The following ZFAND3 variants were observed in gnomAD, a reference collection of about 807,000 sequenced individuals.
The protein encoded by ZFAND3 is AN1-type zinc finger protein 3.
ZFAND3 carries 10 observed loss-of-function variants against 29.6 expected under a neutral mutation model. The ratio of observed to expected loss-of-function variants is 0.34; its 90% confidence interval spans 0.21 to 0.57. ZFAND3 has a LOEUF of 0.57. Among genes scored for constraint, ZFAND3 ranks in the 20% least tolerant of loss-of-function variants. The probability of loss-of-function intolerance (pLI) is 0.86; values close to 1 mark genes in which losing one functional copy is unlikely to be tolerated. For missense variants in ZFAND3, 230 were observed against 304.5 expected (o/e 0.76, Z 1.82); for synonymous variants, 128 against 112.6 (o/e 1.14, Z -0.87).
chr6:38,002,748 G>A (rs1017848937), intron 2 of ZFAND3: 1 of 152,144 alleles, frequency 6.6e-6, no homozygotes, highest in Non-Finnish European at 1.5e-5. Flanking sequence ...TCATCCTAAA[G>A]GAAAAAGCAA....
intron 1 of ZFAND3, among the ~76,000 whole-genome samples, chr6:37,848,739 A>G (rs761038235): frequency 6.6e-6 from 1 of 152,250 alleles, no homozygotes; most frequent in East Asian, 1.9e-4. Context: ...ATGTTTAAAA[A>G]GAAAAAACTT....
chr6:37,986,311 T>C (rs934392995), intron 2 of ZFAND3, among the ~76,000 whole-genome samples: 1 of 152,190 alleles, frequency 6.6e-6, no homozygotes, highest in Non-Finnish European at 1.5e-5. Flanking sequence ...CCTTATCCTT[T>C]AGACATTTGA....
chr6:37,957,752 T>C (rs1241291860), intron 2 of ZFAND3, among the ~76,000 whole-genome samples: 1 of 152,160 alleles, frequency 6.6e-6, no homozygotes, highest in East Asian at 1.9e-4. Flanking sequence ...TGATCTACTC[T>C]AGGAAACTTG....
chr6:37,962,676 C>G (rs1762218261), intron 2 of ZFAND3, among the ~76,000 whole-genome samples: 1 of 152,150 alleles, frequency 6.6e-6, no homozygotes, highest in African/African-American at 2.4e-5. Flanking sequence ...ATGCACCAAT[C>G]AGAACTCTGT....
chr6:37,939,318 C>T (rs536472609), intron 2 of ZFAND3, among the ~76,000 whole-genome samples: 1 of 152,294 alleles, frequency 6.6e-6, no homozygotes, highest in Admixed American at 6.5e-5. Context: ...CATTCCTTTG[C>T]TCATAGACAT....
At chr6:37,828,844 G>A (rs1581691774) in intron 1 of ZFAND3, among the ~76,000 whole-genome samples, 1 of 152,000 alleles carries the variant, frequency 6.6e-6, no homozygotes, top group Admixed American at 6.5e-5. Context: ...TAGAGACGGG[G>A]TTTCACCGTG....
intron 2 of ZFAND3, among the ~76,000 whole-genome samples, chr6:37,985,223 T>C (rs1384430951): frequency 6.6e-6 from 1 of 152,118 alleles, no homozygotes; most frequent in Non-Finnish European, 1.5e-5. Flanking sequence ...CTTAGGAGGC[T>C]GAGATAGGAG....
intron 3 of ZFAND3, among the ~76,000 whole-genome samples, chr6:38,076,347 C>T (rs541742939): frequency 3.3e-4 from 50 of 152,176 alleles, no homozygotes; most frequent in African/African-American, 1.2e-3. Flanking sequence ...GCAACTCGAA[C>T]TTTATTGCCA....
At chr6:38,097,376 C>T (rs368842871) in intron 4 of ZFAND3, among the ~76,000 whole-genome samples, 4 of 151,974 alleles carry the variant, frequency 2.6e-5, no homozygotes, top group South Asian at 2.1e-4. Context: ...TGTGAGCCAC[C>T]GCACCCAGCC....
chr6:37,895,395 C>T (rs575359141), intron 1 of ZFAND3, among the ~76,000 whole-genome samples: 8 of 147,392 alleles, frequency 5.4e-5, no homozygotes, highest in South Asian at 4.3e-4. Flanking sequence ...AGTGCAGTGA[C>T]GTGATCTCCG....
chr6:38,034,906 G>A (rs1051737220), intron 2 of ZFAND3, among the ~76,000 whole-genome samples: 9 of 151,942 alleles, frequency 5.9e-5, no homozygotes, highest in African/African-American at 1.7e-4. Context: ...TTTTTTCTAA[G>A]TATGGAAATA....
At chr6:38,120,320 C>CTTTATTTTTTTTTTTTT (rs1765506783) in intron 5 of ZFAND3, among the ~76,000 whole-genome samples, 1 of 60,694 alleles carries the variant, frequency 1.6e-5, no homozygotes, top group African/African-American at 5.6e-5. Context: ...GCTTGGCTTC[C>CTTTATTTTTTTTTTTTT]TTTTTTTTTT....
chr6:38,010,219 C>T (rs894081181), intron 2 of ZFAND3, among the ~76,000 whole-genome samples: 3 of 152,100 alleles, frequency 2.0e-5, no homozygotes, highest in East Asian at 3.9e-4. Context: ...ATTCTGGAAC[C>T]GTTTAGACTC....
At chr6:37,917,009 TTAA>T (rs1168691068) in intron 1 of ZFAND3, among the ~76,000 whole-genome samples, 3 of 152,230 alleles carry the variant, frequency 2.0e-5, no homozygotes, top group Non-Finnish European at 2.9e-5. Flanking sequence ...CCTATTTTAC[TTAA>T]TAATGGCCCC....
chr6:38,017,823 A>G (rs892499236), intron 2 of ZFAND3, among the ~76,000 whole-genome samples: 2 of 152,194 alleles, frequency 1.3e-5, no homozygotes, highest in Non-Finnish European at 2.9e-5. Context: ...AGTGTTAACT[A>G]TATTTTCTCA....
chr6:38,060,549 C>T (rs548763200), intron 2 of ZFAND3, among the ~76,000 whole-genome samples: 1 of 147,710 alleles, frequency 6.8e-6, no homozygotes, highest in Admixed American at 7.0e-5. Context: ...CTCTTTCTTT[C>T]TTACTCCTGG....
chr6:37,885,519 C>G (rs1388804580), intron 1 of ZFAND3, among the ~76,000 whole-genome samples: 1 of 152,108 alleles, frequency 6.6e-6, no homozygotes, highest in Non-Finnish European at 1.5e-5. Context: ...TGGCATACGC[C>G]TGTAATCCCA....
chr6:37,880,884 A>T (rs1168425246), intron 1 of ZFAND3, among the ~76,000 whole-genome samples: 2 of 108,178 alleles, frequency 1.8e-5, no homozygotes, highest in Admixed American at 1.1e-4. Context: ...GGGGGGAGGG[A>T]TAGCATTGGG....
intron 5 of ZFAND3, among the ~76,000 whole-genome samples, chr6:38,146,782 T>C (rs753188449): frequency 1.3e-5 from 2 of 152,186 alleles, no homozygotes; most frequent in Non-Finnish European, 2.9e-5. Flanking sequence ...TCCCTTATCC[T>C]CCTTTATCCC....
Sources: gnomAD v4.1 joint callset for allele counts (sites outside exome capture counted in the v4.1 genomes callset) on GRCh38, gnomAD v4.1.1 for gene constraint, MANE v1.5 for transcripts, NCBI Gene and HGNC (gene_info 2026-07-23, HGNC 2026-07-21) for gene names.